CHRM3: variants seen among roughly 807,000 people sequenced by gnomAD.
CHRM3 encodes the protein cholinergic receptor muscarinic 3.
A neutral mutation model predicts 41.8 loss-of-function variants in CHRM3; 11 were observed. That is an observed-to-expected ratio of 0.26 (90% CI 0.17 to 0.44). CHRM3 has a LOEUF of 0.44. Ranked by LOEUF, CHRM3 falls within the 20% of genes least tolerant of loss-of-function variation. The probability of loss-of-function intolerance (pLI) is 1.00; values close to 1 mark genes in which losing one functional copy is unlikely to be tolerated. For synonymous variants in CHRM3, 297 were observed against 301.4 expected, an observed-to-expected ratio of 0.99 and a Z score of 0.15; for missense variants, 571 against 745.4, an observed-to-expected ratio of 0.77 and a Z score of 2.72.
At chr1:239,497,958 A>G (rs968899041) in intron 2 of CHRM3, among the ~76,000 whole-genome samples, 1 of 152,172 alleles carries the variant, frequency 6.6e-6, no homozygotes, top group Non-Finnish European at 1.5e-5. Flanking sequence ...GCAAATCAAC[A>G]GCTATTTATT....
chr1:239,756,764 G>T, intron 5 of CHRM3, among the ~76,000 whole-genome samples: 1 of 152,054 alleles, frequency 6.6e-6, no homozygotes, highest in East Asian at 1.9e-4. Flanking sequence ...TGACAGCATA[G>T]GTAAACTGTT....
intron 1 of CHRM3, among the ~76,000 whole-genome samples, chr1:239,417,131 T>A (rs1036789914): frequency 1.2e-4 from 18 of 152,224 alleles, no homozygotes; most frequent in Admixed American, 9.8e-4. Flanking sequence ...TGAAGGAAGA[T>A]GCATGTGAAC....
intron 3 of CHRM3, among the ~76,000 whole-genome samples, chr1:239,562,571 G>A (rs888988934): frequency 6.6e-6 from 1 of 152,000 alleles, no homozygotes; most frequent in African/African-American, 2.4e-5. Context: ...AGATGATGAT[G>A]ATGATGATTA....
intron 4 of CHRM3, among the ~76,000 whole-genome samples, chr1:239,636,126 A>G (rs1670438791): frequency 1.3e-5 from 2 of 152,138 alleles, no homozygotes; most frequent in South Asian, 4.1e-4. Flanking sequence ...CGTTCTTTGG[A>G]TCTTACATAG....
intron 3 of CHRM3, among the ~76,000 whole-genome samples, chr1:239,556,677 G>C (rs1660387595): frequency 6.6e-6 from 1 of 152,166 alleles, no homozygotes; most frequent in South Asian, 2.1e-4. Flanking sequence ...TGTAATGACA[G>C]GGGCCTCCTC....
At chr1:239,673,056 A>T (rs1397074227) in intron 4 of CHRM3, among the ~76,000 whole-genome samples, 1 of 152,134 alleles carries the variant, frequency 6.6e-6, no homozygotes, top group Non-Finnish European at 1.5e-5. Flanking sequence ...AGCACCCCCA[A>T]ATTAGCTTCG....
chr1:239,775,689 T>C (rs558812735), intron 5 of CHRM3, among the ~76,000 whole-genome samples: 21 of 152,266 alleles, frequency 1.4e-4, no homozygotes, highest in African/African-American at 4.6e-4. Flanking sequence ...AATCGTGGAA[T>C]AGCATCATGT....
intron 3 of CHRM3, among the ~76,000 whole-genome samples, chr1:239,586,009 T>C (rs1479517532): frequency 1.3e-5 from 2 of 152,202 alleles, no homozygotes; most frequent in African/African-American, 2.4e-5. Flanking sequence ...TAAATCATAA[T>C]GCAGATCTTG....
intron 5 of CHRM3, among the ~76,000 whole-genome samples, chr1:239,750,458 G>A (rs925339886): frequency 3.9e-5 from 6 of 152,130 alleles, no homozygotes; most frequent in Admixed American, 1.3e-4. Context: ...GCAACTCTCC[G>A]AATACCATTT....
At chr1:239,900,502 C>T (rs562268999) in intron 6 of CHRM3, among the ~76,000 whole-genome samples, 32 of 151,672 alleles carry the variant, frequency 2.1e-4, no homozygotes, top group African/African-American at 7.3e-4. Context: ...GAGGCCGTGG[C>T]CCCAAGGCCT....
intron 4 of CHRM3, among the ~76,000 whole-genome samples, chr1:239,660,611 A>C (rs1673107559): frequency 6.6e-6 from 1 of 152,124 alleles, no homozygotes; most frequent in Non-Finnish European, 1.5e-5. Flanking sequence ...GGCCAGGCAC[A>C]GTGGCTCATG....
chr1:239,882,383 A>G (rs948495641), intron 6 of CHRM3, among the ~76,000 whole-genome samples: 26 of 152,340 alleles, frequency 1.7e-4, no homozygotes, highest in African/African-American at 6.0e-4. Context: ...AATAATAGCA[A>G]TATTCATTTA....
At chr1:239,650,839 A>G (rs897062432) in intron 4 of CHRM3, among the ~76,000 whole-genome samples, 2 of 152,232 alleles carry the variant, frequency 1.3e-5, no homozygotes, top group African/African-American at 4.8e-5. Flanking sequence ...CAAAGGTTAA[A>G]ACTAAGTAAG....
chr1:239,881,228 A>G (rs1029283661), intron 6 of CHRM3, among the ~76,000 whole-genome samples: 64 of 133,340 alleles, frequency 4.8e-4, no homozygotes, highest in African/African-American at 1.7e-3. Context: ...GCTTGCAGTG[A>G]GCCGAGATCC....
At chr1:239,451,446 G>A (rs1483293152) in intron 1 of CHRM3, among the ~76,000 whole-genome samples, 1 of 152,146 alleles carries the variant, frequency 6.6e-6, no homozygotes, top group Non-Finnish European at 1.5e-5. Flanking sequence ...ACAGGCTCAG[G>A]AGCTCAGAGT....
intron 5 of CHRM3, among the ~76,000 whole-genome samples, chr1:239,687,875 C>T (rs927059711): frequency 1.3e-5 from 2 of 152,094 alleles, no homozygotes; most frequent in African/African-American, 4.8e-5. Flanking sequence ...ACTATGCCAT[C>T]TAGGTTTGTG....
chr1:239,820,613 G>A (rs4523505), intron 5 of CHRM3, among the ~76,000 whole-genome samples: 7,955 of 152,188 alleles, frequency 0.052, 265 homozygotes, highest in East Asian at 0.17. Context: ...GAGAGACTTT[G>A]AGGCTTTTTT....
chr1:239,881,885 A>G (rs777994786), intron 6 of CHRM3, among the ~76,000 whole-genome samples: 3 of 151,492 alleles, frequency 2.0e-5, no homozygotes, highest in Non-Finnish European at 4.4e-5. Flanking sequence ...ACTGGAGGAC[A>G]ACTCATTACC....
intron 5 of CHRM3, among the ~76,000 whole-genome samples, chr1:239,698,543 C>T (rs962167743): frequency 5.9e-5 from 9 of 152,248 alleles, no homozygotes; most frequent in African/African-American, 1.2e-4. Flanking sequence ...AAGTAAAATA[C>T]TTAACACCGT....
Sources: allele counts gnomAD v4.1 joint callset (sites outside exome capture counted in the v4.1 genomes callset), GRCh38; gene constraint gnomAD v4.1.1; transcripts MANE v1.5; gene names NCBI Gene and HGNC (gene_info 2026-07-23, HGNC 2026-07-21).